ADGRG7: variants seen among roughly 807,000 people sequenced by gnomAD.
ADGRG7 encodes the protein G-protein coupled receptor 128.
In ADGRG7, 82 loss-of-function variants were observed where a neutral mutation model predicts 88.6. The observed-to-expected ratio is 0.93, with a 90% confidence interval of 0.77 to 1.11. The LOEUF is 1.11. Among genes scored for constraint, ADGRG7 ranks in the 50% most tolerant of loss-of-function variants. The probability of loss-of-function intolerance (pLI) is 0.00; values close to 1 mark genes in which losing one functional copy is unlikely to be tolerated. For synonymous variants in ADGRG7, 381 were observed against 345.2 expected, an observed-to-expected ratio of 1.10 and a Z score of -1.15; for missense variants, 945 against 953.4, an observed-to-expected ratio of 0.99 and a Z score of 0.12.
chr3:100,663,519 A>C (rs2094948168), intron 14 of ADGRG7, among the ~76,000 whole-genome samples: 4 of 152,048 alleles, frequency 2.6e-5, no homozygotes, highest in Admixed American at 2.6e-4. Context: ...CTACTCTAGA[A>C]CTTTCTCATC....
Position 100,694,788 on chromosome 3 carries a change from C to A in ADGRG7, c.2181C>A (p.Phe727Leu). ...FILYTVRTKV[F>L]QSEASKVLML... ...TGTACACTGTTAGAACAAAAGTCTT[C>A]CAGAGTGAAGCTTCCAAAGTGTTGA... Residue 727 changes from phenylalanine to leucine, a missense_variant, in exon 16 of 16, where the codon TTC becomes TTA. Transcript: ENST00000273352. 6.2e-7 allele frequency: 1 copy of A among 1,614,044 alleles called. No individual in the cohort carries two copies. The highest frequency in any genetic ancestry group is 8.5e-7 in the Non-Finnish European group (1 of 1,179,936).
At chr3:100,630,847 A>G in intron 3 of ADGRG7, 38 bp downstream of exon 3, 2 of 1,149,674 alleles carry the variant, frequency 1.7e-6, no homozygotes, top group Non-Finnish European at 2.4e-6. Flanking sequence ...ATGCATAAGA[A>G]TTACTATGCT....
At chr3:100,660,817 T>C (rs1450227004) in intron 14 of ADGRG7, among the ~76,000 whole-genome samples, 1 of 151,958 alleles carries the variant, frequency 6.6e-6, no homozygotes, top group Non-Finnish European at 1.5e-5. Context: ...CCGGGTGTGG[T>C]GGCACATGCC....
chr3:100,675,744 T>C (rs762442378), intron 15 of ADGRG7, among the ~76,000 whole-genome samples: 19 of 152,166 alleles, frequency 1.2e-4, no homozygotes, highest in Non-Finnish European at 2.2e-4. Context: ...CCTGGGCTTT[T>C]CTTTGCTAGG....
At chr3:100,673,437 G>A (rs1244599012) in intron 15 of ADGRG7, among the ~76,000 whole-genome samples, 2 of 149,394 alleles carry the variant, frequency 1.3e-5, no homozygotes, top group Non-Finnish European at 3.0e-5. Flanking sequence ...TTTTTACCAT[G>A]TCTGTTTGAT....
rs745951807 is a variant in ADGRG7 at position 100,655,032 on chromosome 3, G to A, written c.1577G>A (p.Cys526Tyr). 6.8e-6 allele frequency: 11 copies of A among 1,613,952 alleles called. No individual in the cohort carries two copies. In the South Asian group the frequency reaches 1.1e-4, roughly 16 times the overall value. The change falls in exon 12 of 16, where the codon TGC (cysteine) becomes TAC (tyrosine). Residue 526 changes from cysteine (C) to tyrosine (Y), a missense_variant. Cys to Tyr is a radical substitution (Grantham distance 194). Transcript: ENST00000273352. ...TDTINIPNPM[C>Y]TAIAALLHYF... ...ACCATTAACATCCCGAATCCCATGTGCACTGCGATTGCCGCCTTACTGCAC... is the reference window on the plus strand; with the variant it reads ...ACCATTAACATCCCGAATCCCATGTACACTGCGATTGCCGCCTTACTGCAC...
At position 100,645,878 on chromosome 3, in the gene ADGRG7, G is replaced by A. The variant is rs564804803; in HGVS notation, c.947-67G>A. Reference sequence around the variant, plus strand: ...AGCAGCCATGCACTTCTACAATAACGTGACATATTGTTTTTTGTTTACCTT... The same window carrying A: ...AGCAGCCATGCACTTCTACAATAACATGACATATTGTTTTTTGTTTACCTT... On this transcript the variant is annotated intron_variant, in intron 8 of 15. Coordinates refer to ENST00000273352, the MANE Select transcript of ADGRG7 (RefSeq NM_032787.3). 954 of 1,376,212 alleles carry A rather than the reference G, an allele frequency of 6.9e-4. 7 individuals are homozygous for A. The highest frequency in any genetic ancestry group is 2.2e-4 in the Non-Finnish European group (219 of 990,872). 85.3% of individuals were successfully genotyped at this position (1,376,212 alleles called of 1,614,324 possible).
Position 100,643,570 on chromosome 3 carries a change from A to T in ADGRG7, c.883A>T (p.Asn295Tyr). 1 of 1,613,966 alleles carries T rather than the reference A, an allele frequency of 6.2e-7. No individual in the cohort carries two copies. The highest frequency in any genetic ancestry group is 1.1e-5 in the South Asian group (1 of 91,042). The change falls in exon 8 of 16, where the codon AAT becomes TAT. Residue 295 changes from asparagine (N) to tyrosine (Y), a missense_variant. By Grantham distance (143) the Asn-to-Tyr change is moderately radical. Transcript: ENST00000273352. The part of the protein sequence containing the change: ...LVSSSTFIHT[N>Y]VDGLNPDAQT... The stretch of plus-strand genomic sequence containing the variant: ...TTCTAGTTCAACATTTATACATACA[A>T]ATGTGGATGGCCTTAACCCAGATGC...
chr3:100,620,259 C>A (rs903249456), intron 1 of ADGRG7, among the ~76,000 whole-genome samples: 2 of 152,150 alleles, frequency 1.3e-5, no homozygotes, highest in Non-Finnish European at 2.9e-5. Flanking sequence ...TCAACATACG[C>A]AAATCAATAA....
intron 13 of ADGRG7, among the ~76,000 whole-genome samples, chr3:100,657,279 T>G (rs1411883608): frequency 6.6e-6 from 1 of 152,230 alleles, no homozygotes; most frequent in Non-Finnish European, 1.5e-5. Flanking sequence ...GCCACATTTC[T>G]TCAGGATATA....
chr3:100,611,914 T>C (rs529656187), intron 1 of ADGRG7, among the ~76,000 whole-genome samples: 1 of 152,340 alleles, frequency 6.6e-6, no homozygotes, highest in Non-Finnish European at 1.5e-5. Context: ...TCCTATGTAA[T>C]TGTTGAATAT....
chr3:100,662,163 TG>T (rs1305115866), intron 14 of ADGRG7, among the ~76,000 whole-genome samples: 3 of 152,158 alleles, frequency 2.0e-5, no homozygotes, highest in Non-Finnish European at 4.4e-5. Flanking sequence ...CTATATGGGT[TG>T]GGGGGAAACA....
chr3:100,695,175 TTTC>T lies in ADGRG7; in HGVS notation c.*176_*178del. 4.7e-6 allele frequency: 3 copies of T among 636,696 alleles called. No homozygotes were observed. The highest frequency in any genetic ancestry group is 7.9e-6 in the Non-Finnish European group (3 of 381,868). 39.4% of individuals were successfully genotyped at this position (636,696 alleles called of 1,614,324 possible). On this transcript the variant is annotated 3_prime_UTR_variant, in exon 16 of 16. Transcript: ENST00000273352. ...ATTCGGCATAATGGACTTGGTAGTT[TTTC>T]TATTTTTCAATAGATTTGTACTTGA...
chr3:100,613,645 G>A (rs1253653468), intron 1 of ADGRG7, among the ~76,000 whole-genome samples: 3 of 152,170 alleles, frequency 2.0e-5, no homozygotes, highest in Non-Finnish European at 2.9e-5. Context: ...ATCAGAATCA[G>A]TGATGTTTAA....
chr3:100,659,717 G>A lies in ADGRG7; in HGVS notation c.1853G>A (p.Gly618Asp). Residue 618 changes from glycine to aspartate, a missense_variant, in exon 14 of 16, where the codon GGT becomes GAT. By Grantham distance (94) the Gly-to-Asp change is moderately conservative. Coordinates refer to ENST00000273352, the MANE Select transcript of ADGRG7 (RefSeq NM_032787.3). ...TGGCTGGCAATTCCAGAACCCAATG[G>A]TGTTATAAAAAGTCCGCTGTTGTGG... Reference protein sequence around the residue: ...ICWLAIPEPNGVIKSPLLWSF... With the variant: ...ICWLAIPEPNDVIKSPLLWSF... The A allele has an allele frequency of 1.2e-6, 2 of 1,613,816 alleles. No homozygotes were observed. The highest frequency in any genetic ancestry group is 1.7e-6 in the Non-Finnish European group (2 of 1,179,900).
At chr3:100,643,198 A>C (rs753257531) in intron 6 of ADGRG7, 68 bp from the exon 7 acceptor site, 29 of 1,415,682 alleles carry the variant, frequency 2.0e-5, no homozygotes, top group Non-Finnish European at 2.8e-5. Context: ...CTGTAGTGTA[A>C]GACAGAACAC....
chr3:100,626,773 A>C (rs1576314864), intron 1 of ADGRG7, among the ~76,000 whole-genome samples: 1 of 152,200 alleles, frequency 6.6e-6, no homozygotes, highest in African/African-American at 2.4e-5. Flanking sequence ...CAACAGAGCA[A>C]GACTCCGTCA....
chr3:100,645,994 C>T lies in ADGRG7; in HGVS notation c.996C>T (p.Phe332=). Residue 332 remains phenylalanine, a synonymous_variant, in exon 9 of 16, where the codon TTC becomes TTT. Transcript: ENST00000273352. ...GFVVYQNDKL[F]QSKTFTAKSD... is the part of the protein sequence containing the mutation. ...TAGTTTATCAAAATGACAAGCTTTTCCAATCAAAAACTTTTACAGCTAAAT... is the reference window on the plus strand; with the variant it reads ...TAGTTTATCAAAATGACAAGCTTTTTCAATCAAAAACTTTTACAGCTAAAT... 1.9e-6 allele frequency: 3 copies of T among 1,613,770 alleles called. No homozygotes were observed. Among genetic ancestry groups the T allele is most frequent in the Non-Finnish European group, 2.5e-6 (3 of 1,179,828 alleles).
At chr3:100,656,091 C>T in intron 13 of ADGRG7, 96 bp downstream of exon 13, 2 of 678,512 alleles carry the variant, frequency 2.9e-6, no homozygotes, top group South Asian at 2.1e-5. Flanking sequence ...TTGCATTTCA[C>T]TTTATAATTG....
Sources: allele counts gnomAD v4.1 joint callset (sites outside exome capture counted in the v4.1 genomes callset), GRCh38; gene constraint gnomAD v4.1.1; transcripts MANE v1.5; gene names NCBI Gene and HGNC (gene_info 2026-07-23, HGNC 2026-07-21).